CHRM2: variants seen among roughly 807,000 people sequenced by gnomAD.
CHRM2 encodes muscarinic acetylcholine receptor M2.
Under a neutral mutation model 25.0 loss-of-function variants are expected in CHRM2, and 8 were observed. The ratio of observed to expected loss-of-function variants is 0.32; its 90% confidence interval spans 0.19 to 0.58. The LOEUF (loss-of-function observed/expected upper bound fraction) is 0.58, where lower values mean the gene tolerates loss of function less well. Ranked by LOEUF, CHRM2 falls within the 20% of genes least tolerant of loss-of-function variation. The probability of loss-of-function intolerance (pLI) is 0.88; values close to 1 mark genes in which losing one functional copy is unlikely to be tolerated. For missense variants in CHRM2, 440 were observed against 567.1 expected (o/e 0.78, Z 2.28); for synonymous variants, 202 against 205.7 (o/e 0.98, Z 0.15).
At chr7:136,961,122 T>TA (rs965395941) in intron 2 of CHRM2, among the ~76,000 whole-genome samples, 196 of 147,710 alleles carry the variant, frequency 1.3e-3, no homozygotes, top group East Asian at 3.5e-3. Flanking sequence ...TAGACTTCAT[T>TA]AAAAAAAAAA....
intron 2 of CHRM2, among the ~76,000 whole-genome samples, chr7:136,976,657 A>G (rs1021107056): frequency 6.6e-6 from 1 of 152,180 alleles, no homozygotes. Context: ...ATTCTCGTGC[A>G]TCAGGTCTGA....
At chr7:136,885,949 A>G (rs180991705) in intron 2 of CHRM2, among the ~76,000 whole-genome samples, 25 of 152,258 alleles carry the variant, frequency 1.6e-4, no homozygotes, top group East Asian at 1.3e-3. Context: ...GCTACAGCCT[A>G]GGGTGGTTTT....
intron 2 of CHRM2, among the ~76,000 whole-genome samples, chr7:136,935,220 G>A (rs1387723107): frequency 6.7e-6 from 1 of 149,356 alleles, no homozygotes; most frequent in African/African-American, 2.5e-5. Context: ...GTTCAGGGGG[G>A]TAAACACATT....
At chr7:136,880,364 T>C (rs76784787) in intron 2 of CHRM2, among the ~76,000 whole-genome samples, 240 of 152,050 alleles carry the variant, frequency 1.6e-3, no homozygotes, top group African/African-American at 5.7e-3. Flanking sequence ...GCACCAAATA[T>C]TGGTCAGATT....
rs142982381 is a variant in CHRM2 at position 136,949,281 on chromosome 7, C to T, written c.-124-42906C>T. Among the ~76,000 whole-genome samples, 692 of 151,848 alleles carry T rather than the reference C, an allele frequency of 4.6e-3. 5 individuals carry two copies. The highest frequency in any genetic ancestry group is 6.8e-3 in the Middle Eastern group (2 of 292). On this transcript the variant is annotated intron_variant, in intron 2 of 3. Transcript: ENST00000680005. ...ATGAAGACACAGAAACTCAGAGAGG[C>T]GAAATATTTCTTCCATAATTATTAA...
chr7:136,929,196 C>T (rs916641157), intron 2 of CHRM2, among the ~76,000 whole-genome samples: 12 of 151,938 alleles, frequency 7.9e-5, no homozygotes, highest in African/African-American at 2.9e-4. Flanking sequence ...ATTAGCCAAA[C>T]ATCTTAACTT....
At chr7:136,872,417 C>T (rs1302497309) in intron 2 of CHRM2, among the ~76,000 whole-genome samples, 1 of 152,212 alleles carries the variant, frequency 6.6e-6, no homozygotes, top group African/African-American at 2.4e-5. Flanking sequence ...GAGGCTGAGA[C>T]TGTTGTCTTC....
intron 2 of CHRM2, among the ~76,000 whole-genome samples, chr7:136,879,500 T>C (rs1796177371): frequency 6.6e-6 from 1 of 151,984 alleles, no homozygotes; most frequent in African/African-American, 2.4e-5. Context: ...AAATCATGAC[T>C]GTCTATTGGG....
intron 2 of CHRM2, chr7:136,899,912 T>G (rs1453457185): frequency 1.3e-5 from 2 of 152,100 alleles, no homozygotes; most frequent in Non-Finnish European, 2.9e-5. Flanking sequence ...GCTTGTTTCA[T>G]GCAAATACCT....
intron 2 of CHRM2, among the ~76,000 whole-genome samples, chr7:136,895,267 T>C (rs1796848410): frequency 6.6e-6 from 1 of 152,216 alleles, no homozygotes; most frequent in Non-Finnish European, 1.5e-5. Context: ...CTATAATGTA[T>C]AATTTGAGTA....
chr7:136,956,012 C>T (rs544311205), intron 2 of CHRM2, among the ~76,000 whole-genome samples: 2 of 152,020 alleles, frequency 1.3e-5, no homozygotes, highest in African/African-American at 2.4e-5. Context: ...AGTAACTTCC[C>T]TCATCCTTAT....
rs540670366 is a variant in CHRM2 at position 136,945,272 on chromosome 7, G to C, written c.-124-46915G>C. 3.1e-4 allele frequency among the ~76,000 whole-genome samples: 47 copies of C among 152,142 alleles called. No homozygotes were observed. In the South Asian group the frequency reaches 9.1e-3, roughly 30 times the overall value. ...ATATATCTTTGTTTTTGTTGCATTT[G>C]CTTTTGGGTTCTTGGTCATGAAGTC... On this transcript the variant is annotated intron_variant, in intron 2 of 3. Transcript: ENST00000680005.
intron 2 of CHRM2, among the ~76,000 whole-genome samples, chr7:136,894,192 A>G (rs909191822): frequency 1.3e-5 from 2 of 152,158 alleles, no homozygotes; most frequent in South Asian, 2.1e-4. Flanking sequence ...TCTGATCTCA[A>G]AATGTCCTCT....
chr7:136,953,732 G>GA (rs5887821), intron 2 of CHRM2, among the ~76,000 whole-genome samples: 6,359 of 148,910 alleles, frequency 0.043, 169 homozygotes, highest in Admixed American at 0.068. Flanking sequence ...AAAATTTAAT[G>GA]AAAAAAAAAA....
chr7:136,982,113 T>G (rs1372609213), intron 2 of CHRM2, among the ~76,000 whole-genome samples: 2 of 152,218 alleles, frequency 1.3e-5, no homozygotes, highest in Non-Finnish European at 2.9e-5. Context: ...ACTTACTTTT[T>G]GAATCCTGGT....
chr7:136,942,806 G>A (rs1318660964), intron 2 of CHRM2, among the ~76,000 whole-genome samples: 1 of 152,064 alleles, frequency 6.6e-6, no homozygotes, highest in East Asian at 1.9e-4. Flanking sequence ...TCACTGGGGT[G>A]GCCACAGACA....
chr7:136,959,574 G>T (rs1800939719), intron 2 of CHRM2, among the ~76,000 whole-genome samples: 1 of 152,170 alleles, frequency 6.6e-6, no homozygotes, highest in African/African-American at 2.4e-5. Flanking sequence ...TTCCATTATG[G>T]TGATTTCTGA....
intron 2 of CHRM2, among the ~76,000 whole-genome samples, chr7:136,972,339 C>T (rs1801832223): frequency 6.6e-6 from 1 of 152,076 alleles, no homozygotes; most frequent in Non-Finnish European, 1.5e-5. Flanking sequence ...TCTGTCCTTC[C>T]TTGAATCTCT....
At chr7:136,902,159 C>T (rs1797249863) in intron 2 of CHRM2, 1 of 151,990 alleles carries the variant, frequency 6.6e-6, no homozygotes, top group Admixed American at 6.6e-5. Flanking sequence ...TAACTACTAA[C>T]ATTGATTCTG....
Sources: allele counts gnomAD v4.1 joint callset (sites outside exome capture counted in the v4.1 genomes callset), GRCh38; gene constraint gnomAD v4.1.1; transcripts MANE v1.5; gene names NCBI Gene and HGNC (gene_info 2026-07-23, HGNC 2026-07-21).